Variants in RBFOX3 observed in about 807,000 individuals in gnomAD.
RBFOX3 encodes RNA binding fox-1 homolog 3.
Under a neutral mutation model 48.7 loss-of-function variants are expected in RBFOX3, and 17 were observed. The ratio of observed to expected loss-of-function variants is 0.35; its 90% CI spans 0.24 to 0.52. RBFOX3 has a LOEUF of 0.52. Among genes scored for constraint, RBFOX3 ranks in the 20% least tolerant of loss-of-function variants. RBFOX3 has a pLI of 0.94. For missense variants in RBFOX3, 382 were observed against 497.5 expected, an observed-to-expected ratio of 0.77 and a Z score of 2.21; for synonymous variants, 212 against 209.5, an observed-to-expected ratio of 1.01 and a Z score of -0.10.
chr17:79,126,239 C>G (rs1209118356), intron 4 of RBFOX3, among the ~76,000 whole-genome samples: 2 of 152,220 alleles, frequency 1.3e-5, no homozygotes, highest in African/African-American at 4.8e-5. Context: ...GCTGTCAGCC[C>G]CACATATCCC....
At chr17:79,514,787 C>T (rs1405615241) in intron 1 of RBFOX3, among the ~76,000 whole-genome samples, 1 of 152,226 alleles carries the variant, frequency 6.6e-6, no homozygotes, top group African/African-American at 2.4e-5. Context: ...AAGGCCACAG[C>T]TTGGGAAGGA....
intron 3 of RBFOX3, among the ~76,000 whole-genome samples, chr17:79,290,300 G>A (rs1420517278): frequency 2.6e-5 from 4 of 152,176 alleles, no homozygotes; most frequent in Non-Finnish European, 4.4e-5. Flanking sequence ...CTCGTGGCTA[G>A]GAATGCAGGC....
intron 2 of RBFOX3, among the ~76,000 whole-genome samples, chr17:79,468,541 TAGGC>T (rs749752448): frequency 7.3e-5 from 11 of 151,566 alleles, no homozygotes; most frequent in African/African-American, 1.5e-4. Flanking sequence ...CGGTAGCAGA[TAGGC>T]AGGCAGGCAG....
intron 2 of RBFOX3, among the ~76,000 whole-genome samples, chr17:79,457,778 G>A (rs1387429245): frequency 6.6e-6 from 1 of 152,248 alleles, no homozygotes; most frequent in African/African-American, 2.4e-5. Flanking sequence ...GTGGGGAGGT[G>A]CAGGAAAACC....
the RBFOX3 span, among the ~76,000 whole-genome samples, chr17:79,620,232 C>CAG: frequency 1.3e-5 from 2 of 150,002 alleles, no homozygotes; most frequent in African/African-American, 5.0e-5. Flanking sequence ...CATGCACACA[C>CAG]GCACATGCAC....
intron 1 of RBFOX3, among the ~76,000 whole-genome samples, chr17:79,582,188 G>A (rs1470079363): frequency 2.6e-5 from 4 of 151,480 alleles, no homozygotes; most frequent in East Asian, 3.9e-4. Flanking sequence ...ATGCAAGCAC[G>A]TGCCTGCCCG....
At chr17:79,148,225 G>C (rs1168915789) in intron 4 of RBFOX3, among the ~76,000 whole-genome samples, 5 of 152,226 alleles carry the variant, frequency 3.3e-5, no homozygotes, top group Admixed American at 3.3e-4. Context: ...CTGGTTGGAG[G>C]ACTGGGGTCC....
At chr17:79,512,333 T>C (rs2084441293) in intron 1 of RBFOX3, among the ~76,000 whole-genome samples, 1 of 128,060 alleles carries the variant, frequency 7.8e-6, no homozygotes, top group Admixed American at 7.7e-5. Context: ...GGATACGTGT[T>C]ACCATCGGAT....
intron 2 of RBFOX3, among the ~76,000 whole-genome samples, chr17:79,420,162 C>T (rs1568217876): frequency 1.3e-5 from 2 of 150,442 alleles, no homozygotes; most frequent in Non-Finnish European, 3.0e-5. Context: ...CACACACACA[C>T]ACACACACAC....
At chr17:79,295,720 G>A (rs1419970354) in intron 3 of RBFOX3, among the ~76,000 whole-genome samples, 3 of 152,122 alleles carry the variant, frequency 2.0e-5, no homozygotes, top group Non-Finnish European at 2.9e-5. Flanking sequence ...CCAGCACCCT[G>A]TGTCCATCCC....
intron 4 of RBFOX3, among the ~76,000 whole-genome samples, chr17:79,161,272 T>A (rs1237951984): frequency 1.3e-5 from 2 of 152,062 alleles, no homozygotes; most frequent in Non-Finnish European, 2.9e-5. Flanking sequence ...ACGAGTCAAG[T>A]CGCAGAGCCC....
At chr17:79,449,649 A>ACACACACT (rs1407790058) in intron 2 of RBFOX3, among the ~76,000 whole-genome samples, 1 of 151,432 alleles carries the variant, frequency 6.6e-6, no homozygotes, top group East Asian at 1.9e-4. Flanking sequence ...ACACACACAC[A>ACACACACT]CTTTGAGTCT....
Position 79,138,825 on chromosome 17 carries a change from TCACCCACACACA to T in RBFOX3, c.-33-23089_-33-23078del, listed in dbSNP as rs2041141492. 6.3e-5 allele frequency among the ~76,000 whole-genome samples: 4 copies of T among 63,478 alleles called. No homozygotes were observed. The South Asian group carries it at 1.8e-3, about 29-fold the overall frequency. The allele number at this position is 63,478 out of a possible 152,430, so 41.6% of individuals were successfully genotyped here. On this transcript the variant is annotated intron_variant, in intron 4 of 14. Coordinates refer to ENST00000693108, the MANE Select transcript of RBFOX3 (RefSeq NM_001350451.2). ...CCCACACACATGCGTTCACACCCCCTCACCCACACACATGCACACAGCACATGCATTCACGCC... is the reference window on the plus strand; with the variant it reads ...CCCACACACATGCGTTCACACCCCCTTGCACACAGCACATGCATTCACGCC...
chr17:79,340,604 C>G (rs1206554843), intron 2 of RBFOX3, among the ~76,000 whole-genome samples: 2 of 152,124 alleles, frequency 1.3e-5, no homozygotes, highest in Non-Finnish European at 2.9e-5. Flanking sequence ...TAAAGGCAAC[C>G]CACATGCTTG....
intron 2 of RBFOX3, among the ~76,000 whole-genome samples, chr17:79,453,443 G>T (rs1264237411): frequency 6.6e-6 from 1 of 152,200 alleles, no homozygotes; most frequent in Admixed American, 6.5e-5. Flanking sequence ...GTCACAGAGG[G>T]ACAGGCCTCA....
intron 1 of RBFOX3, among the ~76,000 whole-genome samples, chr17:79,534,952 G>A (rs2088467320): frequency 6.6e-6 from 1 of 152,162 alleles, no homozygotes; most frequent in South Asian, 2.1e-4. Context: ...GGGAGAGTCT[G>A]CTCTGGGGGA....
At chr17:79,106,502 A>C (rs2077394853) in intron 6 of RBFOX3, 149 bp downstream of exon 6, 3 of 932,372 alleles carry the variant, frequency 3.2e-6, no homozygotes, top group African/African-American at 1.8e-5. Context: ...CCAGGAGGGA[A>C]GGAATCCTGG....
At chr17:79,509,233 C>G (rs1429104766) in intron 1 of RBFOX3, among the ~76,000 whole-genome samples, 1 of 152,160 alleles carries the variant, frequency 6.6e-6, no homozygotes. Context: ...GTCCCCAAGG[C>G]GGCCTGGTCG....
chr17:79,620,003 ATG>A, the RBFOX3 span, among the ~76,000 whole-genome samples: 1 of 151,394 alleles, frequency 6.6e-6, no homozygotes, highest in Non-Finnish European at 1.5e-5. Flanking sequence ...ATGCACACAC[ATG>A]CACATGCACA....
Sources: gnomAD v4.1 joint callset for allele counts (sites outside exome capture counted in the v4.1 genomes callset) on GRCh38, gnomAD v4.1.1 for gene constraint, MANE v1.5 for transcripts, NCBI Gene and HGNC (gene_info 2026-07-23, HGNC 2026-07-21) for gene names.